NR6A1: variants seen among roughly 807,000 people sequenced by gnomAD.
NR6A1 encodes the protein retinoic acid receptor-related testis-associated receptor.
Under a neutral mutation model 59.1 loss-of-function variants are expected in NR6A1, and 7 were observed. The ratio of observed to expected loss-of-function variants is 0.12; its 90% confidence interval spans 0.07 to 0.22. The LOEUF is 0.22. Ranked by LOEUF, NR6A1 falls within the 10% of genes least tolerant of loss-of-function variation. NR6A1 has a pLI of 1.00. For synonymous variants in NR6A1, 243 were observed against 236.1 expected (o/e 1.03, Z -0.27); for missense variants, 468 against 611.6 (o/e 0.77, Z 2.48).
At chr9:124,741,122 T>C (rs571107220) in intron 1 of NR6A1, among the ~76,000 whole-genome samples, 35 of 151,984 alleles carry the variant, frequency 2.3e-4, no homozygotes, top group South Asian at 1.2e-3. Flanking sequence ...ACTAGCTACA[T>C]GTGGCCAATG....
Position 124,733,358 on chromosome 9 carries a change from A to G in NR6A1, c.101-9T>C, listed in dbSNP as rs1379518670. 1 of 1,610,260 alleles carries G rather than the reference A, an allele frequency of 6.2e-7. No homozygotes were observed. The highest frequency in any genetic ancestry group is 1.7e-5 in the Admixed American group (1 of 60,004). ...TTCATCCTGACAGAAACCTAAAGAG[A>G]AAACAATAGGAAAAAAAATTACAAT... On this transcript the variant is annotated splice_polypyrimidine_tract_variant and intron_variant, in intron 1 of 9. Coordinates refer to ENST00000487099, the MANE Select transcript of NR6A1 (RefSeq NM_033334.4).
At chr9:124,644,048 G>A (rs151190797) in intron 2 of NR6A1, among the ~76,000 whole-genome samples, 5,718 of 151,934 alleles carry the variant, frequency 0.038, 313 homozygotes, top group African/African-American at 0.11. Context: ...TTACAGGCAC[G>A]CGCCACCATG....
chr9:124,608,137 A>G (rs915858380), intron 2 of NR6A1, among the ~76,000 whole-genome samples: 1 of 152,002 alleles, frequency 6.6e-6, no homozygotes, highest in African/African-American at 2.4e-5. Context: ...AAAAAGAAAA[A>G]AGCACTTTTT....
chr9:124,728,691 G>C (rs184610170), intron 2 of NR6A1, among the ~76,000 whole-genome samples: 1 of 150,518 alleles, frequency 6.6e-6, no homozygotes, highest in African/African-American at 2.5e-5. Context: ...TCAGTCACTT[G>C]AGAGAAAATG....
intron 1 of NR6A1, among the ~76,000 whole-genome samples, chr9:124,765,734 A>G (rs1417924543): frequency 6.6e-6 from 1 of 152,060 alleles, no homozygotes; most frequent in Non-Finnish European, 1.5e-5. Flanking sequence ...TCTTATTTAA[A>G]TAACTGTAAC....
Position 124,536,120 on chromosome 9 carries a change from T to C in NR6A1, c.837A>G (p.Thr279=), listed in dbSNP as rs1402501577. The part of the protein sequence containing the change: ...PMLIEDGYAV[T]QAELFALLCR... ...AAAGCAGGGCAAATAGTTCTGCCTG[T>C]GTCACAGCGTATCTGAGGGGCAGGG... Residue 279 remains threonine, a synonymous_variant, in exon 7 of 10, where the codon ACA becomes ACG. Transcript: ENST00000487099. 1.2e-6 allele frequency: 2 copies of C among 1,612,888 alleles called. No homozygotes were observed. Among genetic ancestry groups the C allele is most frequent in the Non-Finnish European group, 1.7e-6 (2 of 1,179,270 alleles).
rs142597628 is a variant in NR6A1 at position 124,729,588 on chromosome 9, AAAATT to A, written c.142+3715_142+3719del. On this transcript the variant is annotated intron_variant, in intron 2 of 9. Transcript: ENST00000487099. ...AAAAGAGTAAGACCCTGTCTCAAAA[AAAATT>A]AAATTAAATAAACAAAAGTCAAATG... 4.8e-3 allele frequency among the ~76,000 whole-genome samples: 730 copies of A among 152,300 alleles called. 5 individuals are homozygous for A. Among genetic ancestry groups the A allele is most frequent in the African/African-American group, 0.016 (684 of 41,544 alleles).
At chr9:124,750,013 A>C (rs1840450182) in intron 1 of NR6A1, among the ~76,000 whole-genome samples, 1 of 152,190 alleles carries the variant, frequency 6.6e-6, no homozygotes, top group Admixed American at 6.5e-5. Context: ...AGTCACAGTG[A>C]CCATACTATT....
intron 2 of NR6A1, among the ~76,000 whole-genome samples, chr9:124,732,859 G>C (rs1333391889): frequency 1.3e-5 from 2 of 152,054 alleles, no homozygotes; most frequent in Non-Finnish European, 2.9e-5. Context: ...ACCACGCCCG[G>C]CTGATTTTTG....
At chr9:124,657,748 C>CA (rs201441452) in intron 2 of NR6A1, among the ~76,000 whole-genome samples, 1 of 152,034 alleles carries the variant, frequency 6.6e-6, no homozygotes, top group Admixed American at 6.5e-5. Flanking sequence ...GCTTCCCCCC[C>CA]CCAGCAACCC....
chr9:124,593,310 T>C (rs1835180574), intron 2 of NR6A1, among the ~76,000 whole-genome samples: 1 of 152,176 alleles, frequency 6.6e-6, no homozygotes, highest in Admixed American at 6.5e-5. Flanking sequence ...ATTTCGCACA[T>C]GTGTTACTCA....
chr9:124,765,546 T>C (rs1401314398), intron 1 of NR6A1, among the ~76,000 whole-genome samples: 2 of 152,198 alleles, frequency 1.3e-5, no homozygotes, highest in African/African-American at 4.8e-5. Context: ...TCACAACGTA[T>C]TTTCTCTCAG....
chr9:124,749,796 TAC>T (rs1840443624), intron 1 of NR6A1, among the ~76,000 whole-genome samples: 1 of 152,224 alleles, frequency 6.6e-6, no homozygotes, highest in South Asian at 2.1e-4. Flanking sequence ...CATGTTTCTT[TAC>T]AGTTTTTGAT....
intron 2 of NR6A1, among the ~76,000 whole-genome samples, chr9:124,572,640 G>A (rs895284974): frequency 3.9e-5 from 6 of 152,186 alleles, no homozygotes; most frequent in South Asian, 2.1e-4. Flanking sequence ...GTTCGCACAC[G>A]TCAGTGGAAG....
intron 3 of NR6A1, among the ~76,000 whole-genome samples, chr9:124,548,569 T>A (rs1249254514): frequency 6.6e-6 from 1 of 152,216 alleles, no homozygotes; most frequent in Non-Finnish European, 1.5e-5. Flanking sequence ...ACACGAACTT[T>A]GATTTCTTTA....
In NR6A1 at chr9:124,526,852, A is replaced by G. The variant is rs1386371724; in HGVS notation, c.1128T>C (p.Tyr376=). 1.2e-6 allele frequency: 2 copies of G among 1,614,108 alleles called. No individual in the cohort carries two copies. The highest frequency in any genetic ancestry group is 1.7e-6 in the Non-Finnish European group (2 of 1,179,966). The change falls in exon 8 of 10, where the codon TAT becomes TAC. Residue 376 remains tyrosine, a synonymous_variant. Coordinates refer to ENST00000487099, the MANE Select transcript of NR6A1 (RefSeq NM_033334.4). The part of the protein sequence containing the change: ...MEVIERLIYL[Y]HKFHQLKVSN... ...TGACCTTTAGCTGATGGAACTTGTG[A>G]TAGAGGTAGATGAGCCGCTCGATCA...
chr9:124,763,365 C>A (rs1047164992), intron 1 of NR6A1, among the ~76,000 whole-genome samples: 3 of 152,136 alleles, frequency 2.0e-5, no homozygotes, highest in African/African-American at 7.2e-5. Flanking sequence ...ATTGTTTCTG[C>A]AAAATCAGTG....
At chr9:124,524,698 G>A in intron 9 of NR6A1, 23 bp downstream of exon 9, 1 of 1,609,834 alleles carries the variant, frequency 6.2e-7, no homozygotes, top group Non-Finnish European at 8.5e-7. Flanking sequence ...GAAGGGTTGG[G>A]AGCCCAAGAC....
chr9:124,662,876 T>C (rs1382103268), intron 2 of NR6A1, among the ~76,000 whole-genome samples: 3 of 152,328 alleles, frequency 2.0e-5, no homozygotes, highest in Admixed American at 6.5e-5. Flanking sequence ...CAAAGGTCTA[T>C]AAACAGAAAG....
Sources: gnomAD v4.1 joint callset for allele counts (sites outside exome capture counted in the v4.1 genomes callset) on GRCh38, gnomAD v4.1.1 for gene constraint, MANE v1.5 for transcripts, NCBI Gene and HGNC (gene_info 2026-07-23, HGNC 2026-07-21) for gene names.